Variants in KAZN observed in about 807,000 individuals in gnomAD.
KAZN encodes kazrin, periplakin interacting protein.
In KAZN, 40 loss-of-function variants were observed where a neutral mutation model predicts 87.4. That is an observed-to-expected ratio of 0.46 (90% CI 0.36 to 0.60). KAZN has a LOEUF of 0.60. KAZN is among the 20% of genes least tolerant of loss of function. The pLI is 0.00. For missense variants in KAZN, 898 were observed against 1,073.9 expected (o/e 0.84, Z 2.29); for synonymous variants, 466 against 458.3 (o/e 1.02, Z -0.22).
intron 2 of KAZN, among the ~76,000 whole-genome samples, chr1:14,392,890 T>G (rs988279870): frequency 6.6e-6 from 1 of 152,098 alleles, no homozygotes; most frequent in African/African-American, 2.4e-5. Flanking sequence ...ACTGAATAAG[T>G]GTATACATTT....
At chr1:15,088,567 CCAT>C (rs1472264056) in intron 8 of KAZN, among the ~76,000 whole-genome samples, 6 of 152,166 alleles carry the variant, frequency 3.9e-5, no homozygotes, top group African/African-American at 1.2e-4. Flanking sequence ...AGCAGCCTGG[CCAT>C]CAACATGAGT....
At chr1:14,322,453 G>C (rs1656113721) in intron 2 of KAZN, among the ~76,000 whole-genome samples, 1 of 151,836 alleles carries the variant, frequency 6.6e-6, no homozygotes, top group South Asian at 2.1e-4. Flanking sequence ...GCCCTTCTTT[G>C]CTCCTTTGAC....
At chr1:14,504,033 C>T (rs900770302) in intron 2 of KAZN, among the ~76,000 whole-genome samples, 5 of 152,132 alleles carry the variant, frequency 3.3e-5, no homozygotes, top group Admixed American at 6.5e-5. Flanking sequence ...GGCTGGCCTC[C>T]GAATTTTCAC....
At chr1:14,544,350 C>CTTTCTTTTT (rs1553186409) in intron 2 of KAZN, among the ~76,000 whole-genome samples, 5 of 98,120 alleles carry the variant, frequency 5.1e-5, no homozygotes, top group Non-Finnish European at 7.6e-5. Flanking sequence ...TTCTTTCTTT[C>CTTTCTTTTT]TTTTTTTTTT....
intron 1 of KAZN, among the ~76,000 whole-genome samples, chr1:14,931,308 G>T (rs1443046584): frequency 1.3e-5 from 2 of 152,050 alleles, no homozygotes; most frequent in East Asian, 3.9e-4. Context: ...GCCCAGCATG[G>T]TGGCGCATGC....
chr1:15,058,127 G>A (rs538217806), intron 5 of KAZN, among the ~76,000 whole-genome samples: 105 of 152,302 alleles, frequency 6.9e-4, no homozygotes, highest in African/African-American at 2.4e-3. Context: ...CCCTACCTCG[G>A]GTTTGCTGTT....
At chr1:15,016,895 G>C (rs1365641916) in intron 2 of KAZN, among the ~76,000 whole-genome samples, 1 of 152,096 alleles carries the variant, frequency 6.6e-6, no homozygotes, top group African/African-American at 2.4e-5. Flanking sequence ...TTACTTCTCA[G>C]CACTGACCTC....
chr1:14,407,430 G>C (rs1663948856), intron 2 of KAZN, among the ~76,000 whole-genome samples: 1 of 152,220 alleles, frequency 6.6e-6, no homozygotes, highest in African/African-American at 2.4e-5. Flanking sequence ...AAAGAATCTT[G>C]TGGTGGTAAA....
At chr1:14,156,961 G>T (rs1645608714) in intron 1 of KAZN, among the ~76,000 whole-genome samples, 1 of 143,434 alleles carries the variant, frequency 7.0e-6, no homozygotes. Flanking sequence ...ATGTTTCTTT[G>T]GTGATATGAT....
chr1:14,055,492 G>T (rs1402726433), intron 1 of KAZN, among the ~76,000 whole-genome samples: 1 of 152,192 alleles, frequency 6.6e-6, no homozygotes, highest in Non-Finnish European at 1.5e-5. Context: ...AGCTTTGATT[G>T]CCCAAGCCAG....
chr1:14,716,024 T>C (rs1642776385), intron 1 of KAZN, among the ~76,000 whole-genome samples: 1 of 152,238 alleles, frequency 6.6e-6, no homozygotes, highest in Non-Finnish European at 1.5e-5. Flanking sequence ...CCTTGAAATA[T>C]TGAAAGGCTT....
intron 1 of KAZN, among the ~76,000 whole-genome samples, chr1:14,636,780 G>A (rs1001790957): frequency 1.3e-5 from 2 of 152,172 alleles, no homozygotes; most frequent in South Asian, 2.1e-4. Flanking sequence ...AATCTAAACA[G>A]CATGGTAATT....
At position 14,815,765 on chromosome 1, in the gene KAZN, C is replaced by T. The variant is rs1646543754; in HGVS notation, c.227-144919C>T. On this transcript the variant is annotated intron_variant, in intron 1 of 14. Coordinates refer to ENST00000376030, the MANE Select transcript of KAZN (RefSeq NM_201628.3). ...TGTGCCACCCAGGGCCACTGAATTG[C>T]CTTGCAGAGGCTGAGCAGCTCTGCC... Among the ~76,000 whole-genome samples, 5 of 152,172 alleles carry T rather than the reference C, an allele frequency of 3.3e-5. No individual in the cohort carries two copies. In the South Asian group the frequency reaches 1.0e-3, roughly 31 times the overall value.
At chr1:13,980,544 TA>T (rs1048316642) in intron 1 of KAZN, among the ~76,000 whole-genome samples, 1 of 152,066 alleles carries the variant, frequency 6.6e-6, no homozygotes, top group African/African-American at 2.4e-5. Flanking sequence ...TTCATAAGAG[TA>T]AAAGGGTCTT....
chr1:14,189,044 T>C (rs1646371592), intron 2 of KAZN, among the ~76,000 whole-genome samples: 1 of 152,122 alleles, frequency 6.6e-6, no homozygotes, highest in Admixed American at 6.6e-5. Context: ...TTGCTAAGTG[T>C]CGTCATTTAA....
chr1:14,576,067 A>G (rs1675158801), intron 2 of KAZN, among the ~76,000 whole-genome samples: 1 of 152,198 alleles, frequency 6.6e-6, no homozygotes, highest in African/African-American at 2.4e-5. Context: ...AAAAGAGCCC[A>G]TAACTTGGAG....
chr1:14,881,043 C>T lies in KAZN; in HGVS notation c.227-79641C>T, dbSNP rs567318904. The stretch of plus-strand genomic sequence containing the variant: ...CCAGCATGCCTTGTGCTCCTGAGGC[C>T]TCTGTGAAGTGCTGTGGGCACAGGA... On this transcript the variant is annotated intron_variant, in intron 1 of 14. Coordinates refer to ENST00000376030, the MANE Select transcript of KAZN (RefSeq NM_201628.3). Among the ~76,000 whole-genome samples, 14 of 152,298 alleles carry T rather than the reference C, an allele frequency of 9.2e-5. No homozygotes were observed. The East Asian group carries it at 2.7e-3, about 29-fold the overall frequency.
chr1:14,300,511 C>T (rs1220124675), intron 2 of KAZN, among the ~76,000 whole-genome samples: 1 of 152,154 alleles, frequency 6.6e-6, no homozygotes, highest in Middle Eastern at 3.2e-3. Flanking sequence ...ACTGAGATTA[C>T]AGGCATGAGC....
intron 2 of KAZN, among the ~76,000 whole-genome samples, chr1:14,557,640 GTGTGT>G (rs1557799120): frequency 2.1e-5 from 3 of 141,582 alleles, no homozygotes; most frequent in Non-Finnish European, 4.6e-5. Context: ...GTGTGTGTGT[GTGTGT>G]GTGTGTGTGT....
Sources: allele counts gnomAD v4.1 joint callset (sites outside exome capture counted in the v4.1 genomes callset), GRCh38; gene constraint gnomAD v4.1.1; transcripts MANE v1.5; gene names NCBI Gene and HGNC (gene_info 2026-07-23, HGNC 2026-07-21).